The following FCHO1 variants were observed in gnomAD, a reference collection of about 807,000 sequenced individuals.
FCHO1 encodes the protein FCH and mu domain containing endocytic adaptor 1.
FCHO1 carries 45 observed loss-of-function variants against 114.4 expected under a neutral mutation model. The observed-to-expected ratio is 0.39, with a 90% CI of 0.31 to 0.50. The LOEUF is 0.50. Among genes scored for constraint, FCHO1 ranks in the 20% least tolerant of loss-of-function variants. The probability of loss-of-function intolerance (pLI) is 0.77; values close to 1 mark genes in which losing one functional copy is unlikely to be tolerated. For missense variants in FCHO1, 1,042 were observed against 1,209.6 expected (o/e 0.86, Z 2.06); for synonymous variants, 480 against 488.9 (o/e 0.98, Z 0.24).
At chr19:17,781,374 T>A in intron 21 of FCHO1, 31 bp downstream of exon 21, 5 of 1,609,030 alleles carry the variant, frequency 3.1e-6, no homozygotes, top group Non-Finnish European at 3.4e-6. Flanking sequence ...GGAGCTGGAC[T>A]GGGGGTCGCG....
chr19:17,780,257 C>T (rs547730383), intron 20 of FCHO1, among the ~76,000 whole-genome samples: 1 of 151,126 alleles, frequency 6.6e-6, no homozygotes, highest in Non-Finnish European at 1.5e-5. Flanking sequence ...CTCTGCCTCC[C>T]AGGTTCAAAC....
chr19:17,764,425 T>A lies in FCHO1; in HGVS notation c.170T>A (p.Leu57Gln), dbSNP rs1167242669. 6.2e-7 allele frequency: 1 copy of A among 1,613,390 alleles called. No individual in the cohort carries two copies. Among genetic ancestry groups the A allele is most frequent in the Non-Finnish European group, 8.5e-7 (1 of 1,179,752 alleles). ...AAGGCGATGGCGAAACTCTCCAAGC[T>A]GGCCAGCAACGGGACCCCCATGGGG... Reference protein sequence around the residue: ...YSKAMAKLSKLASNGTPMGTF... With the variant: ...YSKAMAKLSKQASNGTPMGTF... Residue 57 changes from leucine (L) to glutamine (Q), a missense_variant, in exon 6 of 29, where the codon CTG becomes CAG. Physicochemically the swap from Leu to Gln is moderately radical, Grantham distance 113. Coordinates refer to ENST00000596536, the MANE Select transcript of FCHO1 (RefSeq NM_015122.3).
At chr19:17,788,239 T>A in intron 28 of FCHO1, 45 bp from the exon 29 acceptor site, 1 of 961,420 alleles carries the variant, frequency 1.0e-6, no homozygotes, top group Non-Finnish European at 1.6e-6. Flanking sequence ...ACCCCTCCCG[T>A]ACCCCTCCTC....
chr19:17,763,094 A>T (rs6512224), intron 5 of FCHO1, among the ~76,000 whole-genome samples: 16 of 152,090 alleles, frequency 1.1e-4, no homozygotes, highest in African/African-American at 1.9e-4. Flanking sequence ...AACCTACTCA[A>T]GGTTGGAATT....
intron 4 of FCHO1, among the ~76,000 whole-genome samples, chr19:17,761,603 G>C (rs2086200787): frequency 6.7e-6 from 1 of 148,666 alleles, no homozygotes; most frequent in African/African-American, 2.5e-5. Flanking sequence ...GTTGCAAAGA[G>C]AGACAATTTG....
intron 22 of FCHO1, 22 bp from the exon 23 acceptor site, chr19:17,781,690 A>G (rs1289142007): frequency 2.5e-6 from 4 of 1,579,580 alleles, no homozygotes. Flanking sequence ...GTTGTTCCCC[A>G]TTCCCTCTCC....
chr19:17,765,870 G>C (rs1006911667), intron 6 of FCHO1, among the ~76,000 whole-genome samples: 93 of 143,722 alleles, frequency 6.5e-4, no homozygotes, highest in Non-Finnish European at 1.2e-3. Flanking sequence ...GGCATGTGGT[G>C]TCTTAGTCAC....
In FCHO1 at chr19:17,775,050, C is replaced by T. The variant is rs2092422164; in HGVS notation, c.921-6C>T. ...CTGACACCAACATCTCTTCCTCCAT[C>T]CCCAGAGATTTCCTGGAGCCCGATT... On this transcript the variant is annotated splice_region_variant and splice_polypyrimidine_tract_variant and intron_variant, in intron 13 of 28. Coordinates refer to ENST00000596536, the MANE Select transcript of FCHO1 (RefSeq NM_015122.3). The surrounding 1 kb of genome is among the most constrained non-coding windows in gnomAD (Gnocchi z 5.1). 1 of 1,613,394 alleles carries T rather than the reference C, an allele frequency of 6.2e-7. No individual in the cohort carries two copies. The highest frequency in any genetic ancestry group is 8.5e-7 in the Non-Finnish European group (1 of 1,179,778).
intron 26 of FCHO1, 89 bp from the exon 27 acceptor site, chr19:17,786,485 G>A (rs1015950718): frequency 7.3e-7 from 1 of 1,361,584 alleles, no homozygotes; most frequent in African/African-American, 1.4e-5. Flanking sequence ...GTTTGTTGGG[G>A]TCACACAGCC....
At chr19:17,781,167 C>T in intron 20 of FCHO1, 64 bp from the exon 21 acceptor site, 2 of 1,219,348 alleles carry the variant, frequency 1.6e-6, no homozygotes, top group Non-Finnish European at 2.4e-6. Flanking sequence ...GAGTTTGTGC[C>T]CCTGGGGAGG....
At chr19:17,754,400 G>C (rs931405549) in intron 2 of FCHO1, 39 bp downstream of exon 2, 1 of 152,804 alleles carries the variant, frequency 6.5e-6, no homozygotes, top group Non-Finnish European at 1.5e-5. Flanking sequence ...GGGACTCGTG[G>C]GGGCAGCAAT....
intron 7 of FCHO1, among the ~76,000 whole-genome samples, chr19:17,769,141 G>GGTGCATGCTT (rs1436642303): frequency 2.6e-5 from 4 of 150,950 alleles, no homozygotes; most frequent in African/African-American, 9.8e-5. Flanking sequence ...CGGGCATGGT[G>GGTGCATGCTT]GTGCATGCTT....
At chr19:17,752,704 G>T (rs1336803638) in intron 1 of FCHO1, among the ~76,000 whole-genome samples, 3 of 147,516 alleles carry the variant, frequency 2.0e-5, no homozygotes, top group Non-Finnish European at 4.5e-5. Flanking sequence ...TTCGAGACTG[G>T]CCTGGGCCAC....
chr19:17,778,146 G>A lies in FCHO1; in HGVS notation c.1269G>A (p.Glu423=), dbSNP rs766323688. The A allele has an allele frequency of 1.2e-6, 2 of 1,613,818 alleles. No individual in the cohort carries two copies. The highest frequency in any genetic ancestry group is 2.2e-5 in the South Asian group (2 of 91,068). Residue 423 remains glutamate (E), a synonymous_variant, in exon 19 of 29, where the codon GAG becomes GAA. Transcript: ENST00000596536. ...GCCTCACCCTCTCTAGCTGTGCAGA[G>A]AGATTGCAGTCAGAGGAGCAGGTGT... The part of the protein sequence containing the change: ...RSAPRTSSCA[E]RLQSEEQVSK...
Position 17,772,525 on chromosome 19 carries a change from G to A in FCHO1, c.663G>A (p.Ser221=), listed in dbSNP as rs372042106. 11 of 1,614,008 alleles carry A rather than the reference G, an allele frequency of 6.8e-6. No homozygotes were observed. The highest frequency in any genetic ancestry group is 8.5e-6 in the Non-Finnish European group (10 of 1,180,032). The change falls in exon 10 of 29, where the codon TCG becomes TCA. Residue 221 remains serine (S), a synonymous_variant. Transcript: ENST00000596536. ...CACTGCTGGGCTCATATGCTCACTC[G>A]GTGGAGGACACGCACGTGCAGATTG... is the stretch of plus-strand genomic sequence containing the variant. ...MKALLGSYAH[S]VEDTHVQIGQ...
intron 20 of FCHO1, among the ~76,000 whole-genome samples, chr19:17,779,298 C>T (rs537191718): frequency 6.6e-6 from 1 of 152,116 alleles, no homozygotes; most frequent in East Asian, 1.9e-4. Context: ...CAGGAAGGGC[C>T]TGATGGGCCC....
chr19:17,762,335 C>G (rs1727340139), intron 4 of FCHO1, among the ~76,000 whole-genome samples: 1 of 150,600 alleles, frequency 6.6e-6, no homozygotes, highest in South Asian at 2.1e-4. Flanking sequence ...GGTTCAGCTT[C>G]TTTCTAAGGT....
At chr19:17,769,719 T>C (rs1422769497) in intron 7 of FCHO1, among the ~76,000 whole-genome samples, 1 of 152,110 alleles carries the variant, frequency 6.6e-6, no homozygotes, top group Non-Finnish European at 1.5e-5. Context: ...TGCGGATTAT[T>C]TCTAGAGAAG....
upstream of FCHO1, among the ~76,000 whole-genome samples, chr19:17,750,807 A>AATGTCTTCC (rs2081714435): frequency 6.6e-6 from 1 of 150,902 alleles, no homozygotes; most frequent in African/African-American, 2.4e-5. Context: ...TGAATGCAAA[A>AATGTCTTCC]ATGTCTTCCC....
Sources: gnomAD v4.1 joint callset for allele counts (sites outside exome capture counted in the v4.1 genomes callset) on GRCh38, gnomAD v4.1.1 for gene constraint, Gnocchi (gnomAD v3.1) non-coding constraint, MANE v1.5 for transcripts, NCBI Gene and HGNC (gene_info 2026-07-23, HGNC 2026-07-21) for gene names.